Variants in FIP1L1 observed in about 807,000 individuals in gnomAD.
The protein encoded by FIP1L1 is factor interacting with PAPOLA and CPSF1.
A neutral mutation model predicts 84.6 loss-of-function variants in FIP1L1; 21 were observed. That is an observed-to-expected ratio of 0.25 (90% CI 0.18 to 0.36). The LOEUF is 0.36. Ranked by LOEUF, FIP1L1 falls within the 10% of genes least tolerant of loss-of-function variation. The pLI, the probability that FIP1L1 is intolerant of heterozygous loss-of-function variation, is 1.00. For missense variants in FIP1L1, 526 were observed against 751.1 expected (o/e 0.70, Z 3.50); for synonymous variants, 263 against 242.3 (o/e 1.09, Z -0.80).
chr4:53,402,337 G>A (rs1750690640), intron 10 of FIP1L1, among the ~76,000 whole-genome samples: 1 of 152,082 alleles, frequency 6.6e-6, no homozygotes, highest in South Asian at 2.1e-4. Context: ...TTCTGTGGGG[G>A]CCAGAGAAAT....
chr4:53,409,640 C>T (rs147284069), intron 10 of FIP1L1, among the ~76,000 whole-genome samples: 4,726 of 152,334 alleles, frequency 0.031, 119 homozygotes, highest in East Asian at 0.072. Context: ...TGGTGGGCTC[C>T]ACCCAGTTGG....
chr4:53,380,450 A>G (rs1398221379), intron 3 of FIP1L1, among the ~76,000 whole-genome samples: 7 of 152,224 alleles, frequency 4.6e-5, no homozygotes, highest in African/African-American at 9.6e-5. Context: ...TTTGGGAGTG[A>G]TGCATACATT....
chr4:53,407,413 G>A (rs940229314), intron 10 of FIP1L1, among the ~76,000 whole-genome samples: 1 of 152,164 alleles, frequency 6.6e-6, no homozygotes, highest in African/African-American at 2.4e-5. Context: ...ATTTACTGAG[G>A]AGAGCTTTAC....
At chr4:53,406,494 G>A (rs140872687) in intron 10 of FIP1L1, among the ~76,000 whole-genome samples, 2,741 of 152,236 alleles carry the variant, frequency 0.018, 85 homozygotes, top group African/African-American at 0.063. Flanking sequence ...TCTCTACCCG[G>A]CTTTGGTATC....
At chr4:53,432,398 C>CAAA (rs35596754) in intron 13 of FIP1L1, among the ~76,000 whole-genome samples, 2 of 68,396 alleles carry the variant, frequency 2.9e-5, no homozygotes, top group Non-Finnish European at 5.1e-5. Flanking sequence ...AACTCCATCT[C>CAAA]AAAAAAAAAA....
In FIP1L1 at chr4:53,460,705, A is replaced by G. The variant is rs1243246430; in HGVS notation, c.*1256A>G. The stretch of plus-strand genomic sequence containing the variant: ...TGTAGAGTAATGAGAAATCCTCCAC[A>G]CTGAAAAAAAACTAGTAGTTTTAAT... On this transcript the variant is annotated 3_prime_UTR_variant, in exon 18 of 18. Coordinates refer to ENST00000337488, the MANE Select transcript of FIP1L1 (RefSeq NM_030917.4). The G allele has an allele frequency of 1.3e-5, 7 of 525,434 alleles. No homozygotes were observed. The highest frequency in any genetic ancestry group is 1.0e-4 in the East Asian group (3 of 29,078). The allele number at this position is 525,434 out of a possible 1,614,324, so 32.5% of individuals were successfully genotyped here. A position where few individuals can be genotyped will look rare whatever the true frequency, so the allele number is the denominator to read the frequency against.
chr4:53,399,688 G>A (rs374275386), intron 9 of FIP1L1, 42 bp from the exon 10 acceptor site: 4 of 1,278,966 alleles, frequency 3.1e-6, no homozygotes, highest in Non-Finnish European at 4.5e-6. Context: ...ATGTTTGAGT[G>A]TTCTGTTAAA....
At chr4:53,382,479 G>C in intron 4 of FIP1L1, 144 bp downstream of exon 4, 1 of 626,408 alleles carries the variant, frequency 1.6e-6, no homozygotes, top group Non-Finnish European at 2.8e-6. Context: ...ACTTCATCTG[G>C]TGCCATCAAA....
intron 10 of FIP1L1, among the ~76,000 whole-genome samples, chr4:53,411,905 A>G (rs1310869606): frequency 6.6e-6 from 1 of 152,108 alleles, no homozygotes; most frequent in Non-Finnish European, 1.5e-5. Context: ...GTGGCATATC[A>G]GGAATGTACA....
intron 15 of FIP1L1, among the ~76,000 whole-genome samples, chr4:53,450,160 C>A (rs1213334669): frequency 1.3e-5 from 2 of 151,678 alleles, no homozygotes; most frequent in African/African-American, 2.4e-5. Flanking sequence ...AATTTTTATT[C>A]TTTTCTAATG....
intron 13 of FIP1L1, among the ~76,000 whole-genome samples, chr4:53,438,862 A>G (rs1430251667): frequency 2.0e-5 from 3 of 152,166 alleles, no homozygotes; most frequent in Non-Finnish European, 4.4e-5. Context: ...ATGAATTTAC[A>G]TTTTAGTAAG....
At chr4:53,382,431 C>A in intron 4 of FIP1L1, 96 bp downstream of exon 4, 1 of 928,720 alleles carries the variant, frequency 1.1e-6, no homozygotes, top group Non-Finnish European at 1.7e-6. Context: ...ACATTACCTT[C>A]AGTATCAGGT....
chr4:53,403,267 A>G (rs999228397), intron 10 of FIP1L1, among the ~76,000 whole-genome samples: 2 of 152,132 alleles, frequency 1.3e-5, no homozygotes, highest in Non-Finnish European at 1.5e-5. Context: ...GTACAGTACT[A>G]CTTTCTTATC....
intron 10 of FIP1L1, among the ~76,000 whole-genome samples, chr4:53,405,509 AT>A (rs888018347): frequency 4.6e-5 from 7 of 151,290 alleles, no homozygotes; most frequent in Non-Finnish European, 8.8e-5. Flanking sequence ...TTGGTTCCAT[AT>A]GAACTTTAAA....
Position 53,379,313 on chromosome 4 carries a change from A to G in FIP1L1, c.170+49A>G, listed in dbSNP as rs754483375. 1.3e-5 allele frequency: 18 copies of G among 1,435,116 alleles called. No homozygotes were observed. The East Asian group carries it at 1.6e-4, about 13-fold the overall frequency. 88.9% of individuals were successfully genotyped at this position (1,435,116 alleles called of 1,614,324 possible). ...CCTATTACACAGGTTGTGTGAAACAATGGTTCTGTCAGTTGTCAAAATTAT... is the reference window on the plus strand; with the variant it reads ...CCTATTACACAGGTTGTGTGAAACAGTGGTTCTGTCAGTTGTCAAAATTAT... On this transcript the variant is annotated intron_variant, in intron 3 of 17. Coordinates refer to ENST00000337488, the MANE Select transcript of FIP1L1 (RefSeq NM_030917.4).
intron 15 of FIP1L1, among the ~76,000 whole-genome samples, chr4:53,451,783 T>C (rs1716151879): frequency 6.6e-6 from 1 of 152,152 alleles, no homozygotes; most frequent in Non-Finnish European, 1.5e-5. Flanking sequence ...ATTGTTTATT[T>C]GGATTTGCAT....
chr4:53,439,961 C>T (rs529824089), intron 13 of FIP1L1, among the ~76,000 whole-genome samples: 1 of 152,056 alleles, frequency 6.6e-6, no homozygotes, highest in Non-Finnish European at 1.5e-5. Context: ...TTAATATTTG[C>T]TAGCACCTGT....
intron 9 of FIP1L1, among the ~76,000 whole-genome samples, chr4:53,391,748 G>C (rs933116066): frequency 2.6e-5 from 4 of 152,088 alleles, no homozygotes; most frequent in African/African-American, 9.7e-5. Context: ...ATTTCATTTT[G>C]AGTCGTAATA....
intron 1 of FIP1L1, 154 bp downstream of exon 1, chr4:53,378,077 GC>G: frequency 1.7e-6 from 1 of 605,236 alleles, no homozygotes; most frequent in Non-Finnish European, 2.7e-6. Flanking sequence ...GCGTGCGCGT[GC>G]CCCCAGTCCC....
Sources: gnomAD v4.1 joint callset for allele counts (sites outside exome capture counted in the v4.1 genomes callset) on GRCh38, gnomAD v4.1.1 for gene constraint, MANE v1.5 for transcripts, NCBI Gene and HGNC (gene_info 2026-07-23, HGNC 2026-07-21) for gene names.